The following COA1 variants were observed in gnomAD, a reference collection of about 807,000 sequenced individuals.
The protein encoded by COA1 is cytochrome c oxidase assembly factor 1 homolog.
A neutral mutation model predicts 16.0 loss-of-function variants in COA1; 13 were observed. That is an observed-to-expected ratio of 0.81 (90% confidence interval 0.53 to 1.29). COA1 has a LOEUF of 1.29. Among genes scored for constraint, COA1 ranks in the 50% most tolerant of loss-of-function variants. The pLI, the probability that COA1 is intolerant of heterozygous loss-of-function variation, is 0.00. For missense variants in COA1, 179 were observed against 177.0 expected, an observed-to-expected ratio of 1.01 and a Z score of -0.06; for synonymous variants, 65 against 65.7, an observed-to-expected ratio of 0.99 and a Z score of 0.05.
chr7:43,715,882 G>C (rs763616962), intron 1 of COA1, among the ~76,000 whole-genome samples: 1 of 152,110 alleles, frequency 6.6e-6, no homozygotes, highest in Non-Finnish European at 1.5e-5. Flanking sequence ...CGAATCATGG[G>C]GGCAGTTTTC....
Position 43,722,678 on chromosome 7 carries a change from C to T in COA1, c.-39+6751G>A, listed in dbSNP as rs147233941. ...TTGGCCTCCCAAAGTGCTGGGATTA[C>T]AGGCATGAGCCACCACGCCCAGCTA... On this transcript the variant is annotated intron_variant, in intron 1 of 5. Transcript: ENST00000223336. Among the ~76,000 whole-genome samples the T allele has an allele frequency of 4.1e-3, 630 of 152,298 alleles. 4 individuals carry two copies. The highest frequency in any genetic ancestry group is 0.014 in the African/African-American group (600 of 41,556).
At chr7:43,685,817 G>C (rs1363891745) in intron 1 of COA1, among the ~76,000 whole-genome samples, 4 of 152,134 alleles carry the variant, frequency 2.6e-5, no homozygotes, top group Non-Finnish European at 4.4e-5. Context: ...ATTGGGTTGT[G>C]AACAAATACC....
chr7:43,653,222 G>A (rs2091159305), intron 1 of COA1, among the ~76,000 whole-genome samples: 1 of 152,094 alleles, frequency 6.6e-6, no homozygotes, highest in Non-Finnish European at 1.5e-5. Flanking sequence ...TGAGGCAGGA[G>A]AATGGCGTGA....
chr7:43,637,035 C>T (rs908501047), downstream of COA1, among the ~76,000 whole-genome samples: 1 of 152,250 alleles, frequency 6.6e-6, no homozygotes, highest in Non-Finnish European at 1.5e-5. Context: ...CAGCTCCCAT[C>T]TGCCCGCTCT....
intron 1 of COA1, among the ~76,000 whole-genome samples, chr7:43,692,458 C>T (rs2131058336): frequency 6.6e-6 from 1 of 152,152 alleles, no homozygotes; most frequent in South Asian, 2.1e-4. Flanking sequence ...GTCAAGGCTA[C>T]AGCAAGCCAT....
chr7:43,624,942 C>T (rs1348221339), intron 6 of COA1: 3 of 1,084,998 alleles, frequency 2.8e-6, no homozygotes, highest in African/African-American at 3.2e-5. Context: ...AGTGGATAAC[C>T]AGTATCACTT....
At chr7:43,709,434 TTGTGTGTGTGTGTG>T (rs59823123) in intron 1 of COA1, among the ~76,000 whole-genome samples, 1,865 of 144,986 alleles carry the variant, frequency 0.013, 32 homozygotes, top group African/African-American at 0.045. Context: ...CTTTGTTTTA[TTGTGTGTGTGTGTG>T]TGTGTGTGTG....
At chr7:43,616,293 C>A (rs953680557) in intron 6 of COA1, among the ~76,000 whole-genome samples, 2 of 152,144 alleles carry the variant, frequency 1.3e-5, no homozygotes, top group African/African-American at 4.8e-5. Context: ...TCTATTTTCT[C>A]TTGATTATAA....
intron 1 of COA1, among the ~76,000 whole-genome samples, chr7:43,672,271 A>T (rs1373820486): frequency 6.6e-6 from 1 of 152,244 alleles, no homozygotes; most frequent in Non-Finnish European, 1.5e-5. Context: ...AAAAATCCTC[A>T]ATAAAATACT....
At chr7:43,692,762 T>C (rs767007421) in intron 1 of COA1, among the ~76,000 whole-genome samples, 23 of 152,152 alleles carry the variant, frequency 1.5e-4, no homozygotes, top group African/African-American at 3.6e-4. Context: ...ATTCACAAGA[T>C]AGGAAATCCA....
intron 1 of COA1, among the ~76,000 whole-genome samples, chr7:43,713,006 T>G (rs1323217138): frequency 2.0e-5 from 3 of 152,206 alleles, no homozygotes; most frequent in East Asian, 3.8e-4. Context: ...CAAGCTGGAG[T>G]GCAGTGGCGT....
intron 1 of COA1, among the ~76,000 whole-genome samples, chr7:43,724,889 A>T (rs1043315947): frequency 3.9e-5 from 6 of 152,224 alleles, no homozygotes; most frequent in African/African-American, 1.4e-4. Flanking sequence ...GTTGCCAGGG[A>T]CTGGAAAGAG....
At chr7:43,665,010 A>G (rs2153180499) in intron 1 of COA1, among the ~76,000 whole-genome samples, 1 of 152,310 alleles carries the variant, frequency 6.6e-6, no homozygotes, top group Non-Finnish European at 1.5e-5. Context: ...AAATAGGTGA[A>G]TTGCTCATTT....
At chr7:43,657,474 G>C (rs1260172973) in intron 1 of COA1, among the ~76,000 whole-genome samples, 1 of 152,124 alleles carries the variant, frequency 6.6e-6, no homozygotes, top group Non-Finnish European at 1.5e-5. Context: ...TTTTCAATGA[G>C]AATAAAACAA....
At chr7:43,612,726 G>A (rs1374426170) in intron 6 of COA1, among the ~76,000 whole-genome samples, 1 of 152,050 alleles carries the variant, frequency 6.6e-6, no homozygotes, top group Non-Finnish European at 1.5e-5. Flanking sequence ...CTTTGGTGCA[G>A]AGCCTGAATG....
At chr7:43,677,800 T>TAAA (rs11310207) in intron 1 of COA1, among the ~76,000 whole-genome samples, 1,320 of 116,736 alleles carry the variant, frequency 0.011, 23 homozygotes, top group African/African-American at 0.042. Context: ...GGCTCTGTCT[T>TAAA]AAAAAAAAAA....
intron 1 of COA1, among the ~76,000 whole-genome samples, chr7:43,695,526 C>T (rs1211199081): frequency 1.3e-5 from 2 of 152,052 alleles, no homozygotes; most frequent in Non-Finnish European, 2.9e-5. Flanking sequence ...TACTCATTTT[C>T]CATTTCCCTT....
chr7:43,623,888 A>G, intron 6 of COA1: 1 of 1,511,160 alleles, frequency 6.6e-7, no homozygotes, highest in Non-Finnish European at 8.8e-7. Context: ...AAGAAACCTG[A>G]GTAAGTATTA....
chr7:43,707,702 T>C (rs1407535153), intron 1 of COA1, among the ~76,000 whole-genome samples: 1 of 152,236 alleles, frequency 6.6e-6, no homozygotes, highest in Non-Finnish European at 1.5e-5. Context: ...AAATTGAGTT[T>C]GTTCATTTTC....
Sources: gnomAD v4.1 joint callset for allele counts (sites outside exome capture counted in the v4.1 genomes callset) on GRCh38, gnomAD v4.1.1 for gene constraint, MANE v1.5 for transcripts, NCBI Gene and HGNC (gene_info 2026-07-23, HGNC 2026-07-21) for gene names.